ARHGAP42: variants seen among roughly 807,000 people sequenced by gnomAD.
The protein encoded by ARHGAP42 is rho GTPase-activating protein 42.
A neutral mutation model predicts 125.0 loss-of-function variants in ARHGAP42; 63 were observed. The ratio of observed to expected loss-of-function variants is 0.50; its 90% CI spans 0.41 to 0.62. ARHGAP42 has a LOEUF of 0.62. Among genes scored for constraint, ARHGAP42 ranks in the 20% least tolerant of loss-of-function variants. The pLI is 0.00. For missense variants in ARHGAP42, 766 were observed against 1,024.2 expected (o/e 0.75, Z 3.44); for synonymous variants, 339 against 351.0 (o/e 0.97, Z 0.38).
chr11:100,910,438 A>G (rs1029148497), intron 4 of ARHGAP42, among the ~76,000 whole-genome samples: 2 of 152,170 alleles, frequency 1.3e-5, no homozygotes, highest in African/African-American at 2.4e-5. Context: ...CTGACAGAAA[A>G]CATCCCATTA....
intron 4 of ARHGAP42, among the ~76,000 whole-genome samples, chr11:100,866,358 G>A (rs559998645): frequency 3.9e-5 from 6 of 152,210 alleles, no homozygotes; most frequent in Admixed American, 2.0e-4. Flanking sequence ...AATCATAAAC[G>A]TTGTCAATGG....
intron 3 of ARHGAP42, among the ~76,000 whole-genome samples, chr11:100,847,695 G>A (rs1489429374): frequency 1.3e-5 from 2 of 152,146 alleles, no homozygotes; most frequent in Non-Finnish European, 2.9e-5. Flanking sequence ...GGGCACAGAA[G>A]ATGAAGGAGA....
chr11:100,864,259 A>G (rs1865516045), intron 4 of ARHGAP42, among the ~76,000 whole-genome samples: 1 of 150,482 alleles, frequency 6.6e-6, no homozygotes, highest in Non-Finnish European at 1.5e-5. Context: ...ATCTCGGCTC[A>G]CTGCAACCTC....
chr11:100,825,291 A>C (rs954890803), intron 3 of ARHGAP42, among the ~76,000 whole-genome samples: 5 of 152,096 alleles, frequency 3.3e-5, no homozygotes, highest in African/African-American at 4.8e-5. Flanking sequence ...TTCCTGATTC[A>C]GTTGGGTGTT....
At chr11:100,693,802 G>A (rs142345963) in intron 1 of ARHGAP42, among the ~76,000 whole-genome samples, 425 of 152,306 alleles carry the variant, frequency 2.8e-3, no homozygotes, top group Admixed American at 4.9e-3. Flanking sequence ...CTGAAGAGCT[G>A]ATTTAGCAAC....
intron 6 of ARHGAP42, among the ~76,000 whole-genome samples, chr11:100,922,335 A>G (rs941384809): frequency 6.6e-6 from 1 of 152,214 alleles, no homozygotes; most frequent in Non-Finnish European, 1.5e-5. Context: ...GCGTTACAGA[A>G]AAGAACAGGT....
chr11:100,807,715 C>T (rs527411866), intron 3 of ARHGAP42, among the ~76,000 whole-genome samples: 1 of 152,352 alleles, frequency 6.6e-6, no homozygotes, highest in South Asian at 2.1e-4. Flanking sequence ...CACTTCTGAT[C>T]TCTTTCCTCG....
chr11:100,751,463 T>A (rs1004209623), intron 1 of ARHGAP42, among the ~76,000 whole-genome samples: 5 of 150,224 alleles, frequency 3.3e-5, no homozygotes, highest in African/African-American at 1.2e-4. Context: ...TATACTTTTT[T>A]ATTTTTTTTT....
chr11:100,741,987 C>G (rs114418082), intron 1 of ARHGAP42, among the ~76,000 whole-genome samples: 1 of 152,088 alleles, frequency 6.6e-6, no homozygotes, highest in Non-Finnish European at 1.5e-5. Flanking sequence ...CTAGAGGAAA[C>G]CTTAGTGATC....
intron 4 of ARHGAP42, among the ~76,000 whole-genome samples, chr11:100,887,394 C>T (rs572104353): frequency 6.6e-6 from 1 of 152,268 alleles, no homozygotes; most frequent in Non-Finnish European, 1.5e-5. Flanking sequence ...TAATGCCATT[C>T]TCCATGATCT....
chr11:100,972,695 A>C (rs1341419882), intron 17 of ARHGAP42, among the ~76,000 whole-genome samples: 1 of 152,216 alleles, frequency 6.6e-6, no homozygotes, highest in African/African-American at 2.4e-5. Flanking sequence ...ACGTTTCTTT[A>C]GGAGCCTCTG....
intron 2 of ARHGAP42, among the ~76,000 whole-genome samples, chr11:100,771,773 T>G: frequency 6.6e-6 from 1 of 152,116 alleles, no homozygotes; most frequent in East Asian, 1.9e-4. Context: ...TAATTTTTTT[T>G]TGTACTTTTA....
In ARHGAP42 at chr11:100,992,789, A is replaced by T; in HGVS notation, c.*3988A>T. 1 of 1,405,580 alleles carries T rather than the reference A, an allele frequency of 7.1e-7. No individual in the cohort carries two copies. Among genetic ancestry groups the T allele is most frequent in the Middle Eastern group, 2.0e-4 (1 of 4,992 alleles). 87.1% of individuals were successfully genotyped at this position (1,405,580 alleles called of 1,614,324 possible). On this transcript the variant is annotated 3_prime_UTR_variant, in exon 24 of 24. Transcript: ENST00000298815. ...CTGTTTTAAATAAAGAATCTTACAT[A>T]AGAATGTTGACAACATTCACAGTAA...
chr11:100,689,038 T>C (rs1861141449), intron 1 of ARHGAP42, among the ~76,000 whole-genome samples: 1 of 152,222 alleles, frequency 6.6e-6, no homozygotes, highest in Admixed American at 6.5e-5. Context: ...AGGAGAGAGC[T>C]TAGCAAGATG....
At chr11:100,963,271 C>T (rs924136842) in intron 16 of ARHGAP42, among the ~76,000 whole-genome samples, 5 of 152,018 alleles carry the variant, frequency 3.3e-5, no homozygotes, top group African/African-American at 7.2e-5. Context: ...CTGTGATTGC[C>T]GTCATATGAT....
At chr11:100,977,028 T>A (rs748340160) in intron 21 of ARHGAP42, 57 bp downstream of exon 21, 25 of 1,537,408 alleles carry the variant, frequency 1.6e-5, no homozygotes, top group Non-Finnish European at 2.2e-5. Context: ...AGGAGTTGAG[T>A]GTTTCAGAAG....
chr11:100,887,137 A>T (rs932474833), intron 4 of ARHGAP42, among the ~76,000 whole-genome samples: 2 of 152,200 alleles, frequency 1.3e-5, no homozygotes, highest in Non-Finnish European at 2.9e-5. Context: ...GGAACATTAA[A>T]TTAGGTTTGG....
At chr11:100,726,284 T>C (rs1861860078) in intron 1 of ARHGAP42, among the ~76,000 whole-genome samples, 1 of 152,178 alleles carries the variant, frequency 6.6e-6, no homozygotes, top group Non-Finnish European at 1.5e-5. Flanking sequence ...ATACAGCTGA[T>C]GTAAATTTGA....
At chr11:100,814,464 A>G (rs1215464047) in intron 3 of ARHGAP42, among the ~76,000 whole-genome samples, 1 of 152,258 alleles carries the variant, frequency 6.6e-6, no homozygotes, top group African/African-American at 2.4e-5. Flanking sequence ...GATTATATCC[A>G]TTTCTAATAT....
Sources: allele counts gnomAD v4.1 joint callset (sites outside exome capture counted in the v4.1 genomes callset), GRCh38; gene constraint gnomAD v4.1.1; transcripts MANE v1.5; gene names NCBI Gene and HGNC (gene_info 2026-07-23, HGNC 2026-07-21).